The following CACNA2D3 variants were observed in gnomAD, a reference collection of about 807,000 sequenced individuals.
The protein encoded by CACNA2D3 is voltage-dependent calcium channel subunit alpha-2/delta-3.
In CACNA2D3, 60 loss-of-function variants were observed where a neutral mutation model predicts 160.6. That is an observed-to-expected ratio of 0.37 (90% confidence interval 0.30 to 0.46). CACNA2D3 has a LOEUF of 0.46. Ranked by LOEUF, CACNA2D3 falls within the 20% of genes least tolerant of loss-of-function variation. The pLI is 1.00. For missense variants in CACNA2D3, 1,205 were observed against 1,365.0 expected, an observed-to-expected ratio of 0.88 and a Z score of 1.85; for synonymous variants, 558 against 492.9, an observed-to-expected ratio of 1.13 and a Z score of -1.75.
chr3:54,821,716 C>CT (rs1559595000), intron 14 of CACNA2D3, among the ~76,000 whole-genome samples: 6 of 112,856 alleles, frequency 5.3e-5, no homozygotes, highest in Admixed American at 3.6e-4. Flanking sequence ...TTCCTTCTTT[C>CT]CTCTCTCTCT....
chr3:54,832,124 G>A (rs944991449), intron 14 of CACNA2D3, among the ~76,000 whole-genome samples: 5 of 151,684 alleles, frequency 3.3e-5, no homozygotes, highest in South Asian at 4.2e-4. Flanking sequence ...AGGGGACACG[G>A]CTGTCAAGCT....
chr3:54,873,612 C>T (rs981905137), intron 18 of CACNA2D3, among the ~76,000 whole-genome samples: 10 of 152,128 alleles, frequency 6.6e-5, no homozygotes, highest in East Asian at 5.8e-4. Context: ...TTCGCAGCCT[C>T]ACGTGTGTGT....
At chr3:55,063,745 G>A (rs1704569306) in intron 35 of CACNA2D3, among the ~76,000 whole-genome samples, 1 of 152,148 alleles carries the variant, frequency 6.6e-6, no homozygotes, top group East Asian at 1.9e-4. Context: ...GACAGGGGCT[G>A]TGGAAAGGTG....
intron 9 of CACNA2D3, among the ~76,000 whole-genome samples, chr3:54,600,344 A>T (rs191895305): frequency 1.3e-5 from 2 of 152,340 alleles, no homozygotes; most frequent in Admixed American, 1.3e-4. Context: ...CTGCTTGTGT[A>T]ACTGCCTCTT....
At chr3:54,452,811 T>C (rs1700331072) in intron 4 of CACNA2D3, among the ~76,000 whole-genome samples, 1 of 152,168 alleles carries the variant, frequency 6.6e-6, no homozygotes, top group South Asian at 2.1e-4. Context: ...TGGGAAGAAT[T>C]ATCCCTTGCC....
intron 13 of CACNA2D3, among the ~76,000 whole-genome samples, chr3:54,804,921 G>T (rs1027330861): frequency 2.0e-5 from 3 of 152,164 alleles, no homozygotes; most frequent in Admixed American, 2.0e-4. Flanking sequence ...TCAACTACAT[G>T]GAAACTGAAC....
chr3:54,402,810 A>G (rs1162172952), intron 4 of CACNA2D3, among the ~76,000 whole-genome samples: 4 of 152,218 alleles, frequency 2.6e-5, no homozygotes, highest in Admixed American at 1.3e-4. Flanking sequence ...CTTTCCATCC[A>G]ACAGCAGCAG....
intron 17 of CACNA2D3, among the ~76,000 whole-genome samples, chr3:54,848,370 G>A (rs529435359): frequency 1.3e-5 from 2 of 150,184 alleles, no homozygotes; most frequent in South Asian, 4.1e-4. Flanking sequence ...TGGTTGCTAG[G>A]GTCAAAAGTG....
chr3:54,336,447 T>G (rs981451929), intron 3 of CACNA2D3, among the ~76,000 whole-genome samples: 10 of 152,190 alleles, frequency 6.6e-5, no homozygotes, highest in African/African-American at 2.4e-4. Flanking sequence ...ATCAGTGGAA[T>G]GCAGGATGGT....
At chr3:54,514,483 C>G (rs919524915) in intron 5 of CACNA2D3, among the ~76,000 whole-genome samples, 1 of 152,186 alleles carries the variant, frequency 6.6e-6, no homozygotes, top group Non-Finnish European at 1.5e-5. Flanking sequence ...CTCTAGCATG[C>G]CAGACGCTGC....
intron 34 of CACNA2D3, 26 bp downstream of exon 34, chr3:55,009,469 C>G: frequency 6.2e-7 from 1 of 1,610,348 alleles, no homozygotes; most frequent in Non-Finnish European, 8.5e-7. Flanking sequence ...TTTCTGTTTC[C>G]CAGCTTGGAG....
rs80312863 is a variant in CACNA2D3 at position 54,269,555 on chromosome 3, T to C, written c.205-50887T>C. Among the ~76,000 whole-genome samples the C allele has an allele frequency of 4.8e-3, 736 of 152,172 alleles. 36 individuals carry two copies. In the East Asian group the frequency reaches 0.092, roughly 19 times the overall value. On this transcript the variant is annotated intron_variant, in intron 2 of 37. Transcript: ENST00000474759. ...GTGAGGGAGATGTGCCCACACATGA[T>C]TGGTGTGCTGTGATGGCAAGAGTAC...
intron 17 of CACNA2D3, among the ~76,000 whole-genome samples, chr3:54,862,378 T>TACACACACACAC (rs113055285): frequency 1.3e-5 from 2 of 149,558 alleles, no homozygotes; most frequent in Non-Finnish European, 3.0e-5. Flanking sequence ...TAAATAAAAT[T>TACACACACACAC]ACACACACAC....
chr3:54,270,757 C>T (rs1702606091), intron 2 of CACNA2D3, among the ~76,000 whole-genome samples: 1 of 152,196 alleles, frequency 6.6e-6, no homozygotes, highest in African/African-American at 2.4e-5. Context: ...TTCCTTGCAG[C>T]TATAGGACTG....
In CACNA2D3 at chr3:54,216,495, T is replaced by C. The variant is rs78336011; in HGVS notation, c.204+92901T>C. Reference sequence around the variant, plus strand: ...GTTGCCATCCAGCTTGTCCACCAGGTGTGTTAGGGATGGGCTGTGAGCACC... The same window carrying C: ...GTTGCCATCCAGCTTGTCCACCAGGCGTGTTAGGGATGGGCTGTGAGCACC... On this transcript the variant is annotated intron_variant, in intron 2 of 37. Coordinates refer to ENST00000474759, the MANE Select transcript of CACNA2D3 (RefSeq NM_018398.3). Among the ~76,000 whole-genome samples, 1,184 of 152,278 alleles carry C rather than the reference T, an allele frequency of 7.8e-3. 12 individuals carry two copies. The highest frequency in any genetic ancestry group is 0.027 in the African/African-American group (1,134 of 41,528).
chr3:54,848,578 A>T lies in CACNA2D3; in HGVS notation c.1626+2111A>T, dbSNP rs74670187. Reference sequence around the variant, plus strand: ...CCTGAGGCCATCAGATACTTAGAAGAAGTTTAGGGTGATACCAACCGTTAA... The same window carrying T: ...CCTGAGGCCATCAGATACTTAGAAGTAGTTTAGGGTGATACCAACCGTTAA... On this transcript the variant is annotated intron_variant, in intron 17 of 37. Transcript: ENST00000474759. Among the ~76,000 whole-genome samples, 387 of 152,336 alleles carry T rather than the reference A, an allele frequency of 2.5e-3. 2 individuals carry two copies. Among genetic ancestry groups the T allele is most frequent in the African/African-American group, 7.8e-3 (324 of 41,590 alleles).
intron 11 of CACNA2D3, among the ~76,000 whole-genome samples, chr3:54,746,790 T>G (rs980256193): frequency 6.6e-6 from 1 of 152,184 alleles, no homozygotes; most frequent in African/African-American, 2.4e-5. Context: ...CCTCTGCATC[T>G]GGGAGCAAGA....
chr3:54,290,977 C>A (rs1224319852), intron 2 of CACNA2D3, among the ~76,000 whole-genome samples: 1 of 152,152 alleles, frequency 6.6e-6, no homozygotes, highest in Admixed American at 6.5e-5. Context: ...TTAATGGGTG[C>A]AGCACACCAA....
At chr3:54,688,673 A>G (rs900614416) in intron 11 of CACNA2D3, among the ~76,000 whole-genome samples, 4 of 151,886 alleles carry the variant, frequency 2.6e-5, no homozygotes, top group Admixed American at 6.6e-5. Flanking sequence ...TGACACAGAG[A>G]AAGAGCTCAA....
Sources: gnomAD v4.1 joint callset for allele counts (sites outside exome capture counted in the v4.1 genomes callset) on GRCh38, gnomAD v4.1.1 for gene constraint, MANE v1.5 for transcripts, NCBI Gene and HGNC (gene_info 2026-07-23, HGNC 2026-07-21) for gene names.